The following TIAM2 variants were observed in gnomAD, a reference collection of about 807,000 sequenced individuals.
TIAM2 encodes TIAM Rac1 associated GEF 2.
Under a neutral mutation model 152.9 loss-of-function variants are expected in TIAM2, and 80 were observed. The observed-to-expected ratio is 0.52, with a 90% CI of 0.44 to 0.63. TIAM2 has a LOEUF of 0.63. TIAM2 is among the 30% of genes least tolerant of loss of function. The probability of loss-of-function intolerance (pLI) is 0.00; values close to 1 mark genes in which losing one functional copy is unlikely to be tolerated. For missense variants in TIAM2, 1,965 were observed against 2,120.1 expected, an observed-to-expected ratio of 0.93 and a Z score of 1.44; for synonymous variants, 804 against 838.0, an observed-to-expected ratio of 0.96 and a Z score of 0.70.
At chr6:155,094,012 T>TG in intron 2 of TIAM2, among the ~76,000 whole-genome samples, 1 of 152,352 alleles carries the variant, frequency 6.6e-6, no homozygotes, top group Admixed American at 6.5e-5. Context: ...TTCTGGGCTG[T>TG]GGATAACCTT....
chr6:155,040,487 CT>C (rs1031284813), intron 1 of TIAM2, among the ~76,000 whole-genome samples: 38 of 152,220 alleles, frequency 2.5e-4, no homozygotes, highest in African/African-American at 8.7e-4. Flanking sequence ...AATGGTGGTG[CT>C]TTATCTTCAG....
At chr6:155,019,155 G>GT (rs955676724) in intron 1 of TIAM2, among the ~76,000 whole-genome samples, 2 of 151,908 alleles carry the variant, frequency 1.3e-5, no homozygotes, top group African/African-American at 4.8e-5. Context: ...GGCCAATGCG[G>GT]TGAAACCCCT....
chr6:155,022,104 G>A (rs1031506498), intron 1 of TIAM2, among the ~76,000 whole-genome samples: 7 of 152,116 alleles, frequency 4.6e-5, no homozygotes, highest in Non-Finnish European at 1.0e-4. Flanking sequence ...AAGGAGCTTA[G>A]GAAAATGAAC....
intron 2 of TIAM2, among the ~76,000 whole-genome samples, chr6:155,109,615 G>A (rs1778787265): frequency 6.6e-6 from 1 of 152,158 alleles, no homozygotes; most frequent in Admixed American, 6.5e-5. Context: ...TTCAACATCA[G>A]TGTCTCAGGA....
chr6:155,178,837 A>G (rs968985869), intron 10 of TIAM2, among the ~76,000 whole-genome samples: 10 of 152,164 alleles, frequency 6.6e-5, no homozygotes, highest in Admixed American at 1.3e-4. Context: ...GGCCTCCCAA[A>G]GTGCTGGGAT....
chr6:155,050,079 C>A (rs1039412822), intron 1 of TIAM2, among the ~76,000 whole-genome samples: 6 of 152,104 alleles, frequency 3.9e-5, no homozygotes, highest in Non-Finnish European at 8.8e-5. Context: ...AAAATGGATC[C>A]TCCTGGTAAT....
rs1189883482 is a variant in TIAM2 at position 155,257,131 on chromosome 6, A to G, written c.*10A>G. ...CCACGGAAAATCATAGTATGATTCAATCCAGATATGGGTTAAATTCCTCAT... is the reference window on the plus strand; with the variant it reads ...CCACGGAAAATCATAGTATGATTCAGTCCAGATATGGGTTAAATTCCTCAT... On this transcript the variant is annotated 3_prime_UTR_variant, in exon 27 of 27. Transcript: ENST00000682666. 1 of 1,612,708 alleles carries G rather than the reference A, an allele frequency of 6.2e-7. No individual in the cohort carries two copies. The highest frequency in any genetic ancestry group is 1.7e-5 in the Admixed American group (1 of 59,936).
In TIAM2 at chr6:155,174,200, C is replaced by CCATAG. The variant is rs1780705969; in HGVS notation, c.2362-2615_2362-2611dup. On this transcript the variant is annotated intron_variant, in intron 9 of 26. Transcript: ENST00000682666. The surrounding 1 kb of genome is among the most constrained non-coding windows in gnomAD (Gnocchi z 4.2). ...TTCCACCCTTCAGATCCCCGGAGTA[C>CCATAG]CATAGGCACTAGTTGTGTAAACTTG... 6.6e-6 allele frequency among the ~76,000 whole-genome samples: 1 copy of CCATAG among 152,184 alleles called. No homozygotes were observed.
intron 26 of TIAM2, chr6:155,255,366 T>TGGGAG (rs1783934135): frequency 6.6e-6 from 1 of 152,224 alleles, no homozygotes; most frequent in Non-Finnish European, 1.5e-5. Flanking sequence ...TTCTAAAATT[T>TGGGAG]CAGCTTAAGT....
chr6:155,240,345 T>A (rs1169321422), intron 15 of TIAM2, among the ~76,000 whole-genome samples, 185 bp from the exon 16 acceptor site: 1 of 152,224 alleles, frequency 6.6e-6, no homozygotes, highest in Non-Finnish European at 1.5e-5. Context: ...TGGGCGCACA[T>A]CTTCCTTACT....
At chr6:155,250,439 G>A in intron 21 of TIAM2, 1 of 918,092 alleles carries the variant, frequency 1.1e-6, no homozygotes, top group South Asian at 1.8e-5. Flanking sequence ...CCAGCATGCA[G>A]GAAGTAGCAT....
At position 155,165,827 on chromosome 6, in the gene TIAM2, A is replaced by T. The variant is rs7771075; in HGVS notation, c.2361+418A>T. On this transcript the variant is annotated intron_variant, in intron 9 of 26. Coordinates refer to ENST00000682666, the MANE Select transcript of TIAM2 (RefSeq NM_012454.4). Reference sequence around the variant, plus strand: ...AAATAAAAGTTGATTCAAAGGAATCAACTCTTAGCATGCACTTTTTTTTTT... The same window carrying T: ...AAATAAAAGTTGATTCAAAGGAATCTACTCTTAGCATGCACTTTTTTTTTT... Among the ~76,000 whole-genome samples, 293 of 150,442 alleles carry T rather than the reference A, an allele frequency of 1.9e-3. 1 individual carries two copies. The highest frequency in any genetic ancestry group is 6.9e-3 in the African/African-American group (280 of 40,582).
intron 1 of TIAM2, among the ~76,000 whole-genome samples, chr6:155,018,318 T>C (rs1283982011): frequency 1.3e-5 from 2 of 151,984 alleles, no homozygotes; most frequent in Non-Finnish European, 2.9e-5. Context: ...TTGCTTCTTA[T>C]TTTTTTCAAT....
At chr6:155,071,937 C>A (rs1777848883) in intron 1 of TIAM2, among the ~76,000 whole-genome samples, 1 of 151,216 alleles carries the variant, frequency 6.6e-6, no homozygotes, top group African/African-American at 2.4e-5. Flanking sequence ...GTATTATTAT[C>A]TCTGTTATGT....
At chr6:155,183,155 A>T in intron 13 of TIAM2, 82 bp from the exon 14 acceptor site, 3 of 1,525,260 alleles carry the variant, frequency 2.0e-6, no homozygotes, top group Non-Finnish European at 2.7e-6. Flanking sequence ...ACATGGTTTG[A>T]GTTTGCAGCC....
chr6:155,235,094 A>G (rs1183987225), intron 15 of TIAM2, among the ~76,000 whole-genome samples: 2 of 152,048 alleles, frequency 1.3e-5, no homozygotes, highest in Admixed American at 6.5e-5. Context: ...GCCCTGTGCC[A>G]TTTAAGGTCT....
intron 22 of TIAM2, among the ~76,000 whole-genome samples, 199 bp downstream of exon 22, chr6:155,251,220 TGCTG>T (rs1416209254): frequency 6.6e-6 from 1 of 152,232 alleles, no homozygotes; most frequent in Non-Finnish European, 1.5e-5. Flanking sequence ...TTCTCCCTTC[TGCTG>T]CTTGGCTCAG....
At chr6:155,233,256 G>A (rs1041366852) in intron 15 of TIAM2, among the ~76,000 whole-genome samples, 1 of 152,212 alleles carries the variant, frequency 6.6e-6, no homozygotes, top group Admixed American at 6.5e-5. Flanking sequence ...TGATGTCTCT[G>A]AATAAGACAA....
intron 2 of TIAM2, among the ~76,000 whole-genome samples, chr6:155,118,506 C>A (rs1041406638): frequency 6.8e-6 from 1 of 147,506 alleles, no homozygotes; most frequent in Admixed American, 6.9e-5. Flanking sequence ...GATCTTGACT[C>A]ACCGCAACCT....
Sources: gnomAD v4.1 joint callset for allele counts (sites outside exome capture counted in the v4.1 genomes callset) on GRCh38, gnomAD v4.1.1 for gene constraint, Gnocchi (gnomAD v3.1) non-coding constraint, MANE v1.5 for transcripts, NCBI Gene and HGNC (gene_info 2026-07-23, HGNC 2026-07-21) for gene names.